The following TRAPPC9 variants were observed in gnomAD, a reference collection of about 807,000 sequenced individuals.
The protein encoded by TRAPPC9 is IKK2 binding protein.
In TRAPPC9, 83 loss-of-function variants were observed where a neutral mutation model predicts 124.0. The observed-to-expected ratio is 0.67, with a 90% confidence interval of 0.56 to 0.80. The LOEUF (loss-of-function observed/expected upper bound fraction) is 0.80, where lower values mean the gene tolerates loss of function less well. TRAPPC9 is among the 30% of genes least tolerant of loss of function. TRAPPC9 has a pLI of 0.00. For missense variants in TRAPPC9, 1,302 were observed against 1,508.3 expected, an observed-to-expected ratio of 0.86 and a Z score of 2.27; for synonymous variants, 638 against 617.5, an observed-to-expected ratio of 1.03 and a Z score of -0.49.
intron 21 of TRAPPC9, among the ~76,000 whole-genome samples, chr8:139,837,210 T>G (rs1826418823): frequency 6.6e-6 from 1 of 152,094 alleles, no homozygotes; most frequent in African/African-American, 2.4e-5. Flanking sequence ...GTGACACACA[T>G]GCAAGAGCCC....
chr8:139,987,090 T>A (rs778801443), intron 19 of TRAPPC9, among the ~76,000 whole-genome samples: 1 of 152,230 alleles, frequency 6.6e-6, no homozygotes, highest in Non-Finnish European at 1.5e-5. Context: ...GTTCTGTGTA[T>A]GAGTAATTCA....
chr8:140,410,114 C>T (rs1198520713), intron 5 of TRAPPC9, among the ~76,000 whole-genome samples: 1 of 124,606 alleles, frequency 8.0e-6, no homozygotes, highest in Non-Finnish European at 1.6e-5. Context: ...GCACTCCAGC[C>T]TGGGTGAGGG....
At chr8:140,013,220 C>A (rs1465526675) in intron 18 of TRAPPC9, among the ~76,000 whole-genome samples, 2 of 152,146 alleles carry the variant, frequency 1.3e-5, no homozygotes, top group African/African-American at 4.8e-5. Context: ...GTCGCAGCAG[C>A]TGGGTTCCAC....
At chr8:139,976,055 C>T (rs1264162027) in intron 19 of TRAPPC9, among the ~76,000 whole-genome samples, 1 of 151,244 alleles carries the variant, frequency 6.6e-6, no homozygotes, top group Non-Finnish European at 1.5e-5. Context: ...CCTCGCCCGG[C>T]TAATTTTTTG....
chr8:139,831,981 C>T (rs1183510722), intron 21 of TRAPPC9, among the ~76,000 whole-genome samples: 1 of 152,202 alleles, frequency 6.6e-6, no homozygotes, highest in Non-Finnish European at 1.5e-5. Context: ...TTCTCCTCTC[C>T]GTGAAGTGTC....
chr8:139,936,335 G>C (rs1833512167), intron 19 of TRAPPC9, among the ~76,000 whole-genome samples: 1 of 152,244 alleles, frequency 6.6e-6, no homozygotes. Flanking sequence ...TGCATGCTGA[G>C]TGCCAGCTCT....
At chr8:140,055,952 C>T (rs1279883277) in intron 17 of TRAPPC9, among the ~76,000 whole-genome samples, 1 of 151,866 alleles carries the variant, frequency 6.6e-6, no homozygotes, top group African/African-American at 2.4e-5. Context: ...ATGTAATCTC[C>T]ATCTAAACAA....
Position 139,968,177 on chromosome 8 carries a change from T to C in TRAPPC9, c.2810+20549A>G, listed in dbSNP as rs561986407. Among the ~76,000 whole-genome samples the C allele has an allele frequency of 1.2e-4, 18 of 150,246 alleles. No homozygotes were observed. The South Asian group carries it at 3.6e-3, about 30-fold the overall frequency. The stretch of plus-strand genomic sequence containing the variant: ...AAAAAAACCAAAAAACAAAACAAAA[T>C]AAAAAAACAAAAAATAAAAAAAAGC... On this transcript the variant is annotated intron_variant, in intron 19 of 22. Coordinates refer to ENST00000438773, the MANE Select transcript of TRAPPC9 (RefSeq NM_001160372.4).
At chr8:139,914,560 C>T (rs1420969165) in intron 19 of TRAPPC9, among the ~76,000 whole-genome samples, 1 of 152,174 alleles carries the variant, frequency 6.6e-6, no homozygotes, top group African/African-American at 2.4e-5. Context: ...TGGGGCGAGG[C>T]CTGACACTTC....
chr8:140,163,345 T>C (rs4736145), intron 17 of TRAPPC9, among the ~76,000 whole-genome samples: 25,753 of 152,230 alleles, frequency 0.17, 2,738 homozygotes, highest in Admixed American at 0.25. Flanking sequence ...CCAATGCCCA[T>C]AACCTAGCCT....
At position 139,962,897 on chromosome 8, in the gene TRAPPC9, G is replaced by A. The variant is rs1835426946; in HGVS notation, c.2810+25829C>T. Reference sequence around the variant, plus strand: ...TGGGCCATGAGCCAAGGAGTGCAGGGGCCTCAGGAAGCCGGAGGAGCAAGG... The same window carrying A: ...TGGGCCATGAGCCAAGGAGTGCAGGAGCCTCAGGAAGCCGGAGGAGCAAGG... On this transcript the variant is annotated intron_variant, in intron 19 of 22. Transcript: ENST00000438773. Among the ~76,000 whole-genome samples the A allele has an allele frequency of 3.2e-5, 2 of 62,718 alleles. 1 individual carries two copies. The highest frequency in any genetic ancestry group is 1.1e-4 in the Non-Finnish European group (2 of 18,956). 41.1% of individuals were successfully genotyped at this position (62,718 alleles called of 152,430 possible).
chr8:140,151,104 A>G (rs1246444514), intron 17 of TRAPPC9, among the ~76,000 whole-genome samples: 1 of 152,186 alleles, frequency 6.6e-6, no homozygotes, highest in African/African-American at 2.4e-5. Flanking sequence ...GGAGATTGAC[A>G]GCAGGGGAGG....
chr8:140,272,760 C>T (rs62527536), intron 15 of TRAPPC9, among the ~76,000 whole-genome samples: 29,381 of 151,736 alleles, frequency 0.19, 3,364 homozygotes, highest in South Asian at 0.29. Context: ...CAGGCTCTTT[C>T]GAACAACCAG....
At chr8:139,909,292 C>T (rs1831559380) in intron 20 of TRAPPC9, among the ~76,000 whole-genome samples, 1 of 152,268 alleles carries the variant, frequency 6.6e-6, no homozygotes, top group East Asian at 1.9e-4. Context: ...CTACCTTTGT[C>T]CCCTTAATAA....
At chr8:139,835,473 C>T (rs1037306787) in intron 21 of TRAPPC9, among the ~76,000 whole-genome samples, 11 of 152,250 alleles carry the variant, frequency 7.2e-5, no homozygotes, top group African/African-American at 2.7e-4. Flanking sequence ...TTCGCCCGTG[C>T]TGTGCGTGGA....
intron 21 of TRAPPC9, among the ~76,000 whole-genome samples, chr8:139,833,485 T>C (rs1222413142): frequency 1.3e-5 from 2 of 152,154 alleles, no homozygotes; most frequent in Non-Finnish European, 2.9e-5. Context: ...AAGGAGCTGG[T>C]CACGAAGAAT....
intron 9 of TRAPPC9, among the ~76,000 whole-genome samples, chr8:140,352,017 G>A (rs572443516): frequency 1.0e-3 from 151 of 151,660 alleles, no homozygotes; most frequent in African/African-American, 3.5e-3. Context: ...TTTAGCCATC[G>A]CCCCCACAAA....
intron 11 of TRAPPC9, among the ~76,000 whole-genome samples, chr8:140,294,104 A>G (rs112285251): frequency 6.6e-6 from 1 of 151,882 alleles, no homozygotes; most frequent in South Asian, 2.1e-4. Context: ...GAAAACTGAG[A>G]TTCGAACTCC....
intron 19 of TRAPPC9, among the ~76,000 whole-genome samples, chr8:139,946,375 G>C (rs546846458): frequency 6.6e-6 from 1 of 152,304 alleles, no homozygotes. Flanking sequence ...ACGAGGCATG[G>C]CCAGGTGTGT....
Sources: gnomAD v4.1 joint callset for allele counts (sites outside exome capture counted in the v4.1 genomes callset) on GRCh38, gnomAD v4.1.1 for gene constraint, MANE v1.5 for transcripts, NCBI Gene and HGNC (gene_info 2026-07-23, HGNC 2026-07-21) for gene names.